Variants in PDE8A observed in about 807,000 individuals in gnomAD.
PDE8A encodes high affinity cAMP-specific and IBMX-insensitive 3',5'-cyclic phosphodiesterase 8A.
A neutral mutation model predicts 105.0 loss-of-function variants in PDE8A; 59 were observed. The observed-to-expected ratio is 0.56, with a 90% CI of 0.46 to 0.70. The LOEUF (loss-of-function observed/expected upper bound fraction) is 0.70. PDE8A is among the 30% of genes least tolerant of loss of function. The probability of loss-of-function intolerance (pLI) is 0.00; values close to 1 mark genes in which losing one functional copy is unlikely to be tolerated. For synonymous variants in PDE8A, 355 were observed against 371.9 expected (o/e 0.95, Z 0.52); for missense variants, 1,014 against 1,045.9 (o/e 0.97, Z 0.42).
At chr15:85,119,326 G>C (rs2082143530) in intron 17 of PDE8A, among the ~76,000 whole-genome samples, 2 of 151,796 alleles carry the variant, frequency 1.3e-5, no homozygotes, top group South Asian at 2.1e-4. Context: ...AAAATTAGCT[G>C]GGCATGGTGG....
chr15:85,020,454 G>T (rs1171630140), intron 1 of PDE8A, among the ~76,000 whole-genome samples: 1 of 152,062 alleles, frequency 6.6e-6, no homozygotes, highest in Non-Finnish European at 1.5e-5. Flanking sequence ...AAATACAAAA[G>T]TTAGCCGGGC....
intron 4 of PDE8A, 24 bp from the exon 5 acceptor site, chr15:85,076,709 G>C: frequency 6.7e-7 from 1 of 1,484,726 alleles, no homozygotes. Context: ...CTATGTCTAT[G>C]TTCTTTACTG....
Position 85,138,796 on chromosome 15 carries a change from G to A in PDE8A, c.*893G>A, listed in dbSNP as rs949789860. 2.6e-5 allele frequency: 4 copies of A among 152,088 alleles called. No homozygotes were observed. Among genetic ancestry groups the A allele is most frequent in the Admixed American group, 6.6e-5 (1 of 15,264 alleles). The allele number at this position is 152,088 out of a possible 1,614,324, so 9.4% of individuals were successfully genotyped here. A position where few individuals can be genotyped will look rare whatever the true frequency, so the allele number is the denominator to read the frequency against. ...TAAAACTAGACTCTCTTGTTGGTTC[G>A]CAAAGAAAAGTTAGGACTTAACACT... On this transcript the variant is annotated 3_prime_UTR_variant, in exon 22 of 22. Coordinates refer to ENST00000394553, the MANE Select transcript of PDE8A (RefSeq NM_002605.3).
In PDE8A at chr15:85,076,829, G is replaced by T. The variant is rs763246106; in HGVS notation, c.546+42G>T. The T allele has an allele frequency of 5.4e-5, 66 of 1,226,044 alleles. 1 individual carries two copies. The highest frequency in any genetic ancestry group is 4.4e-5 in the Non-Finnish European group (36 of 826,490). 75.9% of individuals were successfully genotyped at this position (1,226,044 alleles called of 1,614,324 possible). A position where few individuals can be genotyped will look rare whatever the true frequency, so the allele number is the denominator to read the frequency against. On this transcript the variant is annotated intron_variant, in intron 5 of 21. Transcript: ENST00000394553. Reference sequence around the variant, plus strand: ...TTGTTATACAAGTATAATTCAATTTGAGAAATTATTTTATCTCAGTTCAGT... The same window carrying T: ...TTGTTATACAAGTATAATTCAATTTTAGAAATTATTTTATCTCAGTTCAGT...
chr15:85,077,157 T>C (rs990415826), intron 5 of PDE8A, among the ~76,000 whole-genome samples: 1 of 152,244 alleles, frequency 6.6e-6, no homozygotes, highest in Non-Finnish European at 1.5e-5. Context: ...TCTCCTTTAA[T>C]GGCATTTTCA....
intron 1 of PDE8A, among the ~76,000 whole-genome samples, chr15:85,056,715 A>C (rs1413690604): frequency 2.0e-5 from 3 of 152,024 alleles, no homozygotes; most frequent in African/African-American, 7.3e-5. Context: ...TTCGTCTAAT[A>C]TTTTTTCAAG....
At chr15:85,113,297 C>G (rs540344282) in intron 12 of PDE8A, 80 bp from the exon 13 acceptor site, 1 of 1,142,430 alleles carries the variant, frequency 8.8e-7, no homozygotes, top group Non-Finnish European at 1.3e-6. Context: ...ATCATGCAGC[C>G]GAGCACACTG....
intron 1 of PDE8A, among the ~76,000 whole-genome samples, chr15:85,043,044 G>T (rs1441610127): frequency 1.3e-5 from 2 of 152,084 alleles, no homozygotes; most frequent in East Asian, 3.9e-4. Context: ...CAGGATGCTA[G>T]TAGTGATCAG....
chr15:85,040,031 G>A (rs2080775286), intron 1 of PDE8A, among the ~76,000 whole-genome samples: 1 of 152,064 alleles, frequency 6.6e-6, no homozygotes, highest in Non-Finnish European at 1.5e-5. Context: ...TCATTGTATA[G>A]CAAGGAGATT....
At chr15:85,019,467 TG>T (rs2080383417) in intron 1 of PDE8A, among the ~76,000 whole-genome samples, 1 of 152,224 alleles carries the variant, frequency 6.6e-6, no homozygotes, top group Non-Finnish European at 1.5e-5. Flanking sequence ...TTGCCCAGGC[TG>T]GACTAGAACT....
At chr15:85,013,709 T>C (rs1372204574) in intron 1 of PDE8A, among the ~76,000 whole-genome samples, 1 of 152,170 alleles carries the variant, frequency 6.6e-6, no homozygotes. Context: ...GTTTCTTTGG[T>C]TCAGGAATTT....
intron 1 of PDE8A, among the ~76,000 whole-genome samples, chr15:85,024,781 G>C (rs1017463294): frequency 1.2e-4 from 19 of 152,082 alleles, no homozygotes; most frequent in Admixed American, 1.2e-3. Context: ...GTTCATTCTA[G>C]TTTCTCTGCT....
chr15:85,116,967 G>C (rs1349686908), intron 16 of PDE8A, among the ~76,000 whole-genome samples: 4 of 152,224 alleles, frequency 2.6e-5, no homozygotes, highest in Admixed American at 2.6e-4. Flanking sequence ...GCTAAGGCAG[G>C]TCAGTTTAAG....
At chr15:84,994,078 C>T (rs1483869129) in intron 1 of PDE8A, among the ~76,000 whole-genome samples, 2 of 152,016 alleles carry the variant, frequency 1.3e-5, no homozygotes, top group Non-Finnish European at 2.9e-5. Flanking sequence ...TTTTACTTCC[C>T]CTCTCTGTGC....
At chr15:85,065,339 G>T (rs865779904) in intron 2 of PDE8A, among the ~76,000 whole-genome samples, 16 of 116,582 alleles carry the variant, frequency 1.4e-4, no homozygotes, top group African/African-American at 3.9e-4. Flanking sequence ...TGGTGGGGAG[G>T]GGGGAGGGGG....
chr15:85,092,969 C>T (rs536761420), intron 8 of PDE8A, among the ~76,000 whole-genome samples: 3 of 150,564 alleles, frequency 2.0e-5, no homozygotes, highest in Non-Finnish European at 4.4e-5. Flanking sequence ...TCACCCAAGC[C>T]GGAATGCAGA....
intron 1 of PDE8A, among the ~76,000 whole-genome samples, chr15:85,011,449 T>TA (rs1241263041): frequency 1.3e-5 from 2 of 152,204 alleles, no homozygotes; most frequent in Non-Finnish European, 2.9e-5. Context: ...TTCTTATTTG[T>TA]AAAGTGGTGG....
chr15:85,045,551 T>C (rs997661442), intron 1 of PDE8A, among the ~76,000 whole-genome samples: 6 of 152,204 alleles, frequency 3.9e-5, no homozygotes, highest in African/African-American at 1.4e-4. Context: ...AGAACTAAAT[T>C]GGACTTAAAT....
chr15:84,993,510 C>T (rs2079925237), intron 1 of PDE8A, among the ~76,000 whole-genome samples: 2 of 148,934 alleles, frequency 1.3e-5, no homozygotes, highest in South Asian at 4.2e-4. Context: ...ATTGCACAGT[C>T]AGGAGATAAT....
Sources: allele counts gnomAD v4.1 joint callset (sites outside exome capture counted in the v4.1 genomes callset), GRCh38; gene constraint gnomAD v4.1.1; transcripts MANE v1.5; gene names NCBI Gene and HGNC (gene_info 2026-07-23, HGNC 2026-07-21).